Variants in EYS observed in about 807,000 individuals in gnomAD.
EYS encodes the protein protein eyes shut homolog.
In EYS, 250 loss-of-function variants were observed where a neutral mutation model predicts 282.1. The observed-to-expected ratio is 0.89, with a 90% confidence interval of 0.80 to 0.98. EYS has a LOEUF of 0.98. Among genes scored for constraint, EYS ranks in the 50% least tolerant of loss-of-function variants. EYS has a pLI of 0.00. For synonymous variants in EYS, 1,355 were observed against 1,282.9 expected (o/e 1.06, Z -1.20); for missense variants, 4,016 against 3,709.0 (o/e 1.08, Z -2.15).
intron 11 of EYS, among the ~76,000 whole-genome samples, chr6:65,306,057 T>A (rs1406201892): frequency 6.6e-6 from 1 of 152,212 alleles, no homozygotes; most frequent in Non-Finnish European, 1.5e-5. Context: ...GGTTTAGATT[T>A]GTGAAGGAAT....
At chr6:64,096,255 C>T (rs553013913) in intron 31 of EYS, among the ~76,000 whole-genome samples, 1 of 152,138 alleles carries the variant, frequency 6.6e-6, no homozygotes, top group Non-Finnish European at 1.5e-5. Flanking sequence ...CGAGGAGTAT[C>T]TTTGTGGGAT....
At chr6:65,316,850 G>T (rs1010408933) in intron 11 of EYS, among the ~76,000 whole-genome samples, 7 of 152,220 alleles carry the variant, frequency 4.6e-5, no homozygotes, top group Admixed American at 4.6e-4. Context: ...TGTTGTATAT[G>T]TGCCACATTT....
intron 22 of EYS, among the ~76,000 whole-genome samples, chr6:64,730,401 G>A (rs1278109746): frequency 1.3e-5 from 2 of 152,206 alleles, no homozygotes; most frequent in African/African-American, 4.8e-5. Context: ...TGTGCTAGAT[G>A]ACCTATATTT....
Position 64,603,631 on chromosome 6 carries a change from G to A in EYS, c.3685-10322C>T, listed in dbSNP as rs184366664. On this transcript the variant is annotated intron_variant, in intron 24 of 42. Coordinates refer to ENST00000503581, the MANE Select transcript of EYS (RefSeq NM_001142800.2). ...AGATGTTATCTAAGACTCCAGAAAG[G>A]AAAGCCCTTTCATGTAGTTTTCTAT... 6.8e-4 allele frequency among the ~76,000 whole-genome samples: 104 copies of A among 152,072 alleles called. No homozygotes were observed. The Middle Eastern group carries it at 0.01, about 15-fold the overall frequency.
chr6:64,949,245 C>T (rs1769397956), intron 14 of EYS, among the ~76,000 whole-genome samples: 2 of 151,882 alleles, frequency 1.3e-5, no homozygotes, highest in African/African-American at 4.8e-5. Flanking sequence ...GAGTCAGTCA[C>T]CTAAATCCTT....
chr6:63,974,622 T>C (rs1045825653), intron 35 of EYS, among the ~76,000 whole-genome samples: 2 of 152,020 alleles, frequency 1.3e-5, no homozygotes, highest in Non-Finnish European at 2.9e-5. Context: ...ATAAATATGA[T>C]ATAAAAAATA....
intron 26 of EYS, among the ~76,000 whole-genome samples, chr6:64,549,632 T>C (rs577564620): frequency 9.2e-5 from 14 of 151,964 alleles, no homozygotes; most frequent in Non-Finnish European, 1.8e-4. Flanking sequence ...TAATGAAAAA[T>C]AAAACTTTTC....
intron 1 of EYS, among the ~76,000 whole-genome samples, chr6:65,670,560 G>A (rs1243043798): frequency 6.6e-6 from 1 of 151,830 alleles, no homozygotes; most frequent in Non-Finnish European, 1.5e-5. Context: ...TAAGTTTCTG[G>A]GTTAATCATC....
intron 31 of EYS, among the ~76,000 whole-genome samples, chr6:64,130,366 A>C (rs915454705): frequency 2.6e-5 from 4 of 152,216 alleles, no homozygotes; most frequent in African/African-American, 9.6e-5. Flanking sequence ...CCTTCTCAGC[A>C]AACTGTCACA....
At chr6:64,685,547 C>G (rs1019517771) in intron 22 of EYS, among the ~76,000 whole-genome samples, 3 of 152,100 alleles carry the variant, frequency 2.0e-5, no homozygotes, top group African/African-American at 7.2e-5. Flanking sequence ...TCTGGCACCT[C>G]CAGTCTCTCT....
At chr6:63,940,378 A>T (rs1044306341) in intron 35 of EYS, among the ~76,000 whole-genome samples, 1 of 152,164 alleles carries the variant, frequency 6.6e-6, no homozygotes, top group Non-Finnish European at 1.5e-5. Flanking sequence ...CGGGTGTAAA[A>T]ACTTTGTACT....
intron 12 of EYS, among the ~76,000 whole-genome samples, chr6:65,254,995 C>T (rs890942813): frequency 6.6e-6 from 1 of 151,760 alleles, no homozygotes; most frequent in Admixed American, 6.6e-5. Context: ...TATACAAATA[C>T]CAGTGATATT....
chr6:65,451,350 G>A (rs986106975), intron 5 of EYS, among the ~76,000 whole-genome samples: 1 of 151,994 alleles, frequency 6.6e-6, no homozygotes, highest in Non-Finnish European at 1.5e-5. Context: ...TTTTGACCAT[G>A]CTTTCATTTG....
intron 28 of EYS, among the ~76,000 whole-genome samples, chr6:64,413,333 C>T (rs960333018): frequency 6.6e-6 from 1 of 152,062 alleles, no homozygotes; most frequent in Non-Finnish European, 1.5e-5. Context: ...CATTAGTCTC[C>T]CGATGCTTCC....
intron 39 of EYS, among the ~76,000 whole-genome samples, chr6:63,784,404 CA>C (rs1770314058): frequency 6.6e-6 from 1 of 152,104 alleles, no homozygotes; most frequent in Non-Finnish European, 1.5e-5. Context: ...TTTGGAATGT[CA>C]GGGGTGTTAG....
chr6:65,220,189 G>T (rs117213635), intron 12 of EYS, among the ~76,000 whole-genome samples: 1 of 151,784 alleles, frequency 6.6e-6, no homozygotes, highest in Non-Finnish European at 1.5e-5. Flanking sequence ...GACTACTTGC[G>T]ATTTTTAATG....
At chr6:65,651,856 A>C (rs1767660415) in intron 1 of EYS, among the ~76,000 whole-genome samples, 1 of 152,082 alleles carries the variant, frequency 6.6e-6, no homozygotes, top group South Asian at 2.1e-4. Flanking sequence ...AGTCATACTG[A>C]AAAAATAAAC....
At chr6:64,994,856 C>T (rs1201850419) in intron 14 of EYS, among the ~76,000 whole-genome samples, 1 of 152,016 alleles carries the variant, frequency 6.6e-6, no homozygotes, top group African/African-American at 2.4e-5. Flanking sequence ...CAATATTTAA[C>T]AAGACATTTG....
intron 31 of EYS, among the ~76,000 whole-genome samples, chr6:64,151,347 ATATATATATATATAT>A (rs1562226752): frequency 2.0e-4 from 23 of 113,440 alleles, no homozygotes; most frequent in Non-Finnish European, 3.9e-4. Context: ...ATATATATAT[ATATATATATATATAT>A]AATTTTTTTT....
Sources: gnomAD v4.1 joint callset for allele counts (sites outside exome capture counted in the v4.1 genomes callset) on GRCh38, gnomAD v4.1.1 for gene constraint, MANE v1.5 for transcripts, NCBI Gene and HGNC (gene_info 2026-07-23, HGNC 2026-07-21) for gene names.